SNTG2: variants seen among roughly 807,000 people sequenced by gnomAD.
SNTG2 encodes syntrophin gamma 2, also known as gamma-2-syntrophin.
Under a neutral mutation model 70.9 loss-of-function variants are expected in SNTG2, and 74 were observed. That is an observed-to-expected ratio of 1.04 (90% CI 0.86 to 1.27). The LOEUF is 1.27. Ranked by LOEUF, SNTG2 falls within the 50% of genes most tolerant of loss-of-function variation. SNTG2 has a pLI of 0.00. For missense variants in SNTG2, 717 were observed against 690.7 expected, an observed-to-expected ratio of 1.04 and a Z score of -0.43; for synonymous variants, 278 against 273.8, an observed-to-expected ratio of 1.02 and a Z score of -0.15.
At chr2:1,332,081 C>T (rs28742072) in intron 16 of SNTG2, among the ~76,000 whole-genome samples, 1,542 of 152,302 alleles carry the variant, frequency 0.01, 26 homozygotes, top group African/African-American at 0.034. Flanking sequence ...GGTTCCAGTT[C>T]TCAGCTTGTC....
intron 14 of SNTG2, among the ~76,000 whole-genome samples, chr2:1,274,942 A>G (rs1262054024): frequency 1.3e-5 from 2 of 152,230 alleles, no homozygotes; most frequent in African/African-American, 4.8e-5. Context: ...GTTCAAGTGC[A>G]TGGCACTGGC....
At chr2:1,098,927 A>G (rs773785972) in intron 4 of SNTG2, among the ~76,000 whole-genome samples, 1 of 152,222 alleles carries the variant, frequency 6.6e-6, no homozygotes, top group Non-Finnish European at 1.5e-5. Flanking sequence ...AACACTGGCT[A>G]TGGGAATAAT....
intron 7 of SNTG2, among the ~76,000 whole-genome samples, chr2:1,167,892 C>T (rs1195331352): frequency 1.6e-5 from 2 of 126,480 alleles, no homozygotes; most frequent in Admixed American, 7.6e-5. Flanking sequence ...ACCTACAGGC[C>T]GCCCACAGAC....
intron 15 of SNTG2, among the ~76,000 whole-genome samples, chr2:1,315,238 G>A (rs1451104357): frequency 3.3e-5 from 5 of 152,144 alleles, no homozygotes; most frequent in African/African-American, 4.8e-5. Context: ...ACACTTTGGC[G>A]TAAAATGCGG....
At chr2:1,229,671 C>T (rs1045633218) in intron 9 of SNTG2, among the ~76,000 whole-genome samples, 6 of 152,160 alleles carry the variant, frequency 3.9e-5, no homozygotes, top group Admixed American at 6.5e-5. Context: ...TGGGGAGGCT[C>T]GGGCCGCACA....
At chr2:1,074,963 G>A (rs547934062) in intron 1 of SNTG2, among the ~76,000 whole-genome samples, 3 of 152,226 alleles carry the variant, frequency 2.0e-5, no homozygotes, top group South Asian at 2.1e-4. Flanking sequence ...ATTTCACTGC[G>A]ATGTTGGTCC....
chr2:1,017,856 A>G (rs562800043), intron 1 of SNTG2, among the ~76,000 whole-genome samples: 37 of 152,186 alleles, frequency 2.4e-4, no homozygotes, highest in Non-Finnish European at 4.7e-4. Context: ...TTCCGAGCAC[A>G]CAGTGGGTGT....
At chr2:1,089,702 A>G (rs1336739696) in intron 2 of SNTG2, among the ~76,000 whole-genome samples, 2 of 152,358 alleles carry the variant, frequency 1.3e-5, no homozygotes, top group Non-Finnish European at 2.9e-5. Context: ...AGCACACTTT[A>G]TAAAGAAATC....
At chr2:1,338,815 T>C (rs940838413) in intron 16 of SNTG2, among the ~76,000 whole-genome samples, 2 of 152,242 alleles carry the variant, frequency 1.3e-5, no homozygotes, top group African/African-American at 4.8e-5. Flanking sequence ...TTGTGAATAA[T>C]GGTGCAATGC....
chr2:1,132,360 T>C (rs938537977), intron 4 of SNTG2, among the ~76,000 whole-genome samples: 17 of 151,952 alleles, frequency 1.1e-4, no homozygotes, highest in Middle Eastern at 3.4e-3. Context: ...CACGGGGAAG[T>C]TGAGTAAAAG....
intron 12 of SNTG2, among the ~76,000 whole-genome samples, chr2:1,254,106 G>A (rs1489605284): frequency 6.6e-6 from 1 of 152,176 alleles, no homozygotes; most frequent in Non-Finnish European, 1.5e-5. Context: ...CATGAGATTT[G>A]GGCGGAGTCA....
intron 8 of SNTG2, among the ~76,000 whole-genome samples, chr2:1,195,532 T>A (rs963959603): frequency 6.6e-6 from 1 of 152,208 alleles, no homozygotes; most frequent in African/African-American, 2.4e-5. Flanking sequence ...TTTTGAGAAG[T>A]GTCTGTTCAT....
intron 4 of SNTG2, among the ~76,000 whole-genome samples, chr2:1,135,911 T>C (rs546573429): frequency 6.6e-6 from 1 of 152,302 alleles, no homozygotes; most frequent in Admixed American, 6.5e-5. Flanking sequence ...ACCTTATCCC[T>C]ATACTGTTAG....
chr2:1,098,144 C>G, intron 2 of SNTG2, 52 bp from the exon 3 acceptor site: 2 of 1,570,828 alleles, frequency 1.3e-6, no homozygotes, highest in Non-Finnish European at 8.7e-7. Context: ...AATTCACTTT[C>G]TGATAGTGCA....
intron 11 of SNTG2, among the ~76,000 whole-genome samples, chr2:1,244,034 G>A (rs1677231797): frequency 6.6e-6 from 1 of 152,194 alleles, no homozygotes; most frequent in African/African-American, 2.4e-5. Context: ...CTGGGGCCAG[G>A]GTGGTGGTGG....
intron 1 of SNTG2, among the ~76,000 whole-genome samples, chr2:1,066,686 G>T (rs186464850): frequency 3.2e-4 from 49 of 152,216 alleles, no homozygotes; most frequent in Non-Finnish European, 6.0e-4. Flanking sequence ...TTGTTGCATA[G>T]AATAAGAGAA....
intron 14 of SNTG2, among the ~76,000 whole-genome samples, chr2:1,268,567 G>A (rs1473111782): frequency 6.6e-6 from 1 of 152,004 alleles, no homozygotes; most frequent in Non-Finnish European, 1.5e-5. Flanking sequence ...CCTCAAATTG[G>A]GCACCCTAAA....
At chr2:1,137,097 A>C (rs1668435185) in intron 4 of SNTG2, among the ~76,000 whole-genome samples, 1 of 152,226 alleles carries the variant, frequency 6.6e-6, no homozygotes, top group African/African-American at 2.4e-5. Flanking sequence ...AATGCACGTA[A>C]ATCAATCTAG....
chr2:1,085,488 C>T (rs918031120), intron 2 of SNTG2, among the ~76,000 whole-genome samples: 1 of 152,204 alleles, frequency 6.6e-6, no homozygotes, highest in Admixed American at 6.5e-5. Context: ...TGTATTCCCA[C>T]CTGCACATTG....
Sources: gnomAD v4.1 joint callset for allele counts (sites outside exome capture counted in the v4.1 genomes callset) on GRCh38, gnomAD v4.1.1 for gene constraint, MANE v1.5 for transcripts, NCBI Gene and HGNC (gene_info 2026-07-23, HGNC 2026-07-21) for gene names.